C1orf116: variants seen among roughly 807,000 people sequenced by gnomAD.
C1orf116 encodes chromosome 1 open reading frame 116.
In C1orf116, 12 loss-of-function variants were observed where a neutral mutation model predicts 14.1. The ratio of observed to expected loss-of-function variants is 0.85; its 90% CI spans 0.54 to 1.38. The LOEUF (loss-of-function observed/expected upper bound fraction) is 1.38. Among genes scored for constraint, C1orf116 ranks in the 40% most tolerant of loss-of-function variants. The pLI, the probability that C1orf116 is intolerant of heterozygous loss-of-function variation, is 0.00. For missense variants in C1orf116, 797 were observed against 747.0 expected (o/e 1.07, Z -0.78); for synonymous variants, 296 against 299.0 (o/e 0.99, Z 0.10).
intron 1 of C1orf116, among the ~76,000 whole-genome samples, chr1:207,028,406 T>C (rs978365272): frequency 3.3e-5 from 5 of 152,232 alleles, no homozygotes; most frequent in Non-Finnish European, 7.3e-5. Flanking sequence ...TCACCTGCTA[T>C]CACAGTCAAT....
chr1:207,024,018 T>G (rs1219290286), intron 3 of C1orf116, among the ~76,000 whole-genome samples: 1 of 152,232 alleles, frequency 6.6e-6, no homozygotes, highest in Non-Finnish European at 1.5e-5. Flanking sequence ...AGCCTCTGAA[T>G]AAGTGATTTG....
intron 3 of C1orf116, among the ~76,000 whole-genome samples, chr1:207,024,671 T>G (rs1682015819): frequency 6.6e-6 from 1 of 152,214 alleles, no homozygotes; most frequent in African/African-American, 2.4e-5. Flanking sequence ...GCTCTGATAC[T>G]TCATAGACAG....
chr1:207,026,197 T>C (rs944056082), intron 2 of C1orf116, among the ~76,000 whole-genome samples: 9 of 152,196 alleles, frequency 5.9e-5, no homozygotes, highest in Non-Finnish European at 1.3e-4. Flanking sequence ...GGGAGAGGGT[T>C]GCAGAATAAC....
chr1:207,021,924 T>A lies in C1orf116; in HGVS notation c.*34A>T, dbSNP rs1020848040. 1 of 1,478,858 alleles carries A rather than the reference T, an allele frequency of 6.8e-7. No individual in the cohort carries two copies. Among genetic ancestry groups the A allele is most frequent in the African/African-American group, 1.4e-5 (1 of 71,148 alleles). 91.6% of individuals were successfully genotyped at this position (1,478,858 alleles called of 1,614,324 possible). On this transcript the variant is annotated 3_prime_UTR_variant, in exon 4 of 4. Coordinates refer to ENST00000359470, the MANE Select transcript of C1orf116 (RefSeq NM_023938.6). ...AAGTGGAGCATGTGTCTCTTCTTGT[T>A]CAGCCAGGACAGGGTCTGTACTGGT...
intron 1 of C1orf116, among the ~76,000 whole-genome samples, chr1:207,028,135 C>A (rs886174397): frequency 6.6e-6 from 1 of 152,186 alleles, no homozygotes; most frequent in Non-Finnish European, 1.5e-5. Context: ...AATGAGAGAA[C>A]AGTTAGCACA....
intron 1 of C1orf116, among the ~76,000 whole-genome samples, chr1:207,028,945 C>T (rs971996634): frequency 6.6e-6 from 1 of 152,230 alleles, no homozygotes; most frequent in Admixed American, 6.5e-5. Context: ...ATCTTTCCAA[C>T]CCTCCCAACA....
chr1:207,026,888 G>C (rs1450007257), intron 2 of C1orf116, among the ~76,000 whole-genome samples: 1 of 152,178 alleles, frequency 6.6e-6, no homozygotes, highest in Non-Finnish European at 1.5e-5. Flanking sequence ...CTCCTAGAAA[G>C]GCTGATTCTT....
At position 207,024,802 on chromosome 1, in the gene C1orf116, G is replaced by C; in HGVS notation, c.283+85C>G. Reference sequence around the variant, plus strand: ...TTCTGCCTGTGACCCTTGGGGTAGAGGGCAGGCGAGGTAGAAAGTGGCCGG... The same window carrying C: ...TTCTGCCTGTGACCCTTGGGGTAGACGGCAGGCGAGGTAGAAAGTGGCCGG... On this transcript the variant is annotated intron_variant, in intron 3 of 3. Coordinates refer to ENST00000359470, the MANE Select transcript of C1orf116 (RefSeq NM_023938.6). 2.0e-6 allele frequency: 3 copies of C among 1,487,702 alleles called. No homozygotes were observed. In the South Asian group the frequency reaches 3.7e-5, roughly 18 times the overall value. The allele number at this position is 1,487,702 out of a possible 1,614,324, so 92.2% of individuals were successfully genotyped here. A position where few individuals can be genotyped will look rare whatever the true frequency, so the allele number is the denominator to read the frequency against.
Position 207,024,992 on chromosome 1 carries a change from A to G in C1orf116, c.178T>C (p.Ser60Pro), listed in dbSNP as rs1333122349. Residue 60 changes from serine (S) to proline (P), a missense_variant, in exon 3 of 4, where the codon TCA becomes CCA. By Grantham distance (74) the Ser-to-Pro change is moderately conservative. Coordinates refer to ENST00000359470, the MANE Select transcript of C1orf116 (RefSeq NM_023938.6). ...CLLFLEETIG[S>P]LDTEADSGLS... ...CCGCTGTCAGCCTCCGTGTCCAGTGAGCCAATGGTCTCCTCCAGGAAGAGC... is the reference window on the plus strand; with the variant it reads ...CCGCTGTCAGCCTCCGTGTCCAGTGGGCCAATGGTCTCCTCCAGGAAGAGC... 1.2e-6 allele frequency: 2 copies of G among 1,611,788 alleles called. No homozygotes were observed. The highest frequency in any genetic ancestry group is 4.5e-5 in the East Asian group (2 of 44,702).
chr1:207,023,097 G>T lies in C1orf116; in HGVS notation c.667C>A (p.Gln223Lys). ...REASLPEGPG[Q>K]QGHTPQLHTP... ...TGGAGCTGGGGTGTGTGGCCCTGCT[G>T]TCCTGGCCCCTCGGGCAGGCTGGCT... is the stretch of plus-strand genomic sequence containing the variant. The change falls in exon 4 of 4, where the codon CAG becomes AAG. Residue 223 changes from glutamine (Q) to lysine (K), a missense_variant. By Grantham distance (53) the Gln-to-Lys change is moderately conservative (BLOSUM62 1). Transcript: ENST00000359470. 1 of 1,612,340 alleles carries T rather than the reference G, an allele frequency of 6.2e-7. No individual in the cohort carries two copies.
At position 207,023,087 on chromosome 1, in the gene C1orf116, T is replaced by C. The variant is rs747949199; in HGVS notation, c.677A>G (p.His226Arg). The C allele has an allele frequency of 6.2e-7, 1 of 1,612,484 alleles. No homozygotes were observed. The highest frequency in any genetic ancestry group is 2.2e-5 in the East Asian group (1 of 44,832). ...GGATGGTGTGTGGAGCTGGGGTGTG[T>C]GGCCCTGCTGTCCTGGCCCCTCGGG... Reference protein sequence around the residue: ...SLPEGPGQQGHTPQLHTPSSS... With the variant: ...SLPEGPGQQGRTPQLHTPSSS... The change falls in exon 4 of 4, where the codon CAC becomes CGC. Residue 226 changes from histidine to arginine, a missense_variant. Coordinates refer to ENST00000359470, the MANE Select transcript of C1orf116 (RefSeq NM_023938.6).
Position 207,022,549 on chromosome 1 carries a change from A to G in C1orf116, c.1215T>C (p.Ala405=). 6.2e-7 allele frequency: 1 copy of G among 1,614,182 alleles called. No homozygotes were observed. The highest frequency in any genetic ancestry group is 1.1e-5 in the South Asian group (1 of 91,084). ...APAQASAAIP[A]AGKALAQAPA... ...GAGCTTGAGCCAGAGCCTTCCCAGC[A>G]GCAGGAATAGCTGCTGAGGCCTGGG... Residue 405 remains alanine, a synonymous_variant, in exon 4 of 4, where the codon GCT becomes GCC. Transcript: ENST00000359470.
At position 207,022,308 on chromosome 1, in the gene C1orf116, G is replaced by T; in HGVS notation, c.1456C>A (p.Arg486Ser). Reference sequence around the variant, plus strand: ...TAGCTGCTCAGTCCCACGCCTGAGCGCTCCAGAGTGTTGGACTTGAAGTTC... The same window carrying T: ...TAGCTGCTCAGTCCCACGCCTGAGCTCTCCAGAGTGTTGGACTTGAAGTTC... ...QMNFKSNTLE[R>S]SGVGLSSYLS... The change falls in exon 4 of 4, where the codon CGC (arginine) becomes AGC (serine). Residue 486 changes from arginine (R) to serine (S), a missense_variant. Transcript: ENST00000359470. The T allele has an allele frequency of 1.2e-6, 2 of 1,613,768 alleles. No homozygotes were observed. Among genetic ancestry groups the T allele is most frequent in the Non-Finnish European group, 1.7e-6 (2 of 1,179,818 alleles).
rs1681746877 is a variant in C1orf116, at chr1:207,019,058, C to T, written c.*2900G>A. Reference sequence around the variant, plus strand: ...TCCATGAAACGAACGTCAACATTCACACAGCAGCCCATCCCCAGCCTACAG... The same window carrying T: ...TCCATGAAACGAACGTCAACATTCATACAGCAGCCCATCCCCAGCCTACAG... On this transcript the variant is annotated 3_prime_UTR_variant, in exon 4 of 4. Transcript: ENST00000359470. The T allele has an allele frequency of 6.6e-6, 1 of 152,366 alleles. No homozygotes were observed. Among genetic ancestry groups the T allele is most frequent in the South Asian group, 2.1e-4 (1 of 4,842 alleles). 9.4% of individuals were successfully genotyped at this position (152,366 alleles called of 1,614,324 possible). A position where few individuals can be genotyped will look rare whatever the true frequency, so the allele number is the denominator to read the frequency against.
chr1:207,021,766 T>C lies in C1orf116; in HGVS notation c.*192A>G, dbSNP rs1177388763. ...ACCAAACACACACACACACACCCTC[T>C]TGTGGAGATCACCTTCAGAATGATC... On this transcript the variant is annotated 3_prime_UTR_variant, in exon 4 of 4. Coordinates refer to ENST00000359470, the MANE Select transcript of C1orf116 (RefSeq NM_023938.6). 3 of 521,484 alleles carry C rather than the reference T, an allele frequency of 5.8e-6. No homozygotes were observed. Among genetic ancestry groups the C allele is most frequent in the Non-Finnish European group, 9.5e-6 (3 of 314,220 alleles). 32.3% of individuals were successfully genotyped at this position (521,484 alleles called of 1,614,324 possible).
In C1orf116 at chr1:207,023,383, G is replaced by A; in HGVS notation, c.381C>T (p.Leu127=). 1.2e-6 allele frequency: 2 copies of A among 1,614,138 alleles called. No homozygotes were observed. The highest frequency in any genetic ancestry group is 1.7e-6 in the Non-Finnish European group (2 of 1,179,994). ...SHPPEPQGLG[L]RSGSYSLPRN... ...TAGGGAGGCTGTAGGAGCCAGACCT[G>A]AGGCCTAGGCCCTGGGGCTCAGGAG... The change falls in exon 4 of 4, where the codon CTC becomes CTT. Residue 127 remains leucine, a synonymous_variant. Transcript: ENST00000359470.
At position 207,023,348 on chromosome 1, in the gene C1orf116, T is replaced by C. The variant is rs766809094; in HGVS notation, c.416A>G (p.His139Arg). 6.2e-7 allele frequency: 1 copy of C among 1,614,124 alleles called. No individual in the cohort carries two copies. Among genetic ancestry groups the C allele is most frequent in the Admixed American group, 1.7e-5 (1 of 60,028 alleles). ...SGSYSLPRNI[H>R]IARSQNFRKS... ...CCTGAAGTTCTGGCTTCTGGCAATG[T>C]GGATATTCCTAGGGAGGCTGTAGGA... Residue 139 changes from histidine to arginine, a missense_variant, in exon 4 of 4, where the codon CAC (histidine) becomes CGC (arginine). His to Arg is a conservative substitution (Grantham distance 29). Coordinates refer to ENST00000359470, the MANE Select transcript of C1orf116 (RefSeq NM_023938.6).
At position 207,024,879 on chromosome 1, in the gene C1orf116, T is replaced by C; in HGVS notation, c.283+8A>G. 6.2e-7 allele frequency: 1 copy of C among 1,606,666 alleles called. No individual in the cohort carries two copies. ...TGCTGGGGTTCCACCCCAGAGGGTC[T>C]GCCTTACCCCGGGGAGTGGGTTGGG... On this transcript the variant is annotated splice_region_variant and intron_variant, in intron 3 of 3. Transcript: ENST00000359470.
intron 2 of C1orf116, among the ~76,000 whole-genome samples, chr1:207,027,061 C>A (rs187724213): frequency 1.3e-5 from 2 of 152,304 alleles, no homozygotes; most frequent in East Asian, 3.9e-4. Flanking sequence ...AAGTAGAGAA[C>A]TTAAATCTGT....
Sources: gnomAD v4.1 joint callset for allele counts (sites outside exome capture counted in the v4.1 genomes callset) on GRCh38, gnomAD v4.1.1 for gene constraint, MANE v1.5 for transcripts, NCBI Gene and HGNC (gene_info 2026-07-23, HGNC 2026-07-21) for gene names.